RNF169: variants seen among roughly 807,000 people sequenced by gnomAD.
RNF169 encodes the protein E3 ubiquitin-protein ligase RNF169.
RNF169 carries 24 observed loss-of-function variants against 53.9 expected under a neutral mutation model. That is an observed-to-expected ratio of 0.45 (90% CI 0.32 to 0.63). RNF169 has a LOEUF of 0.63. Among genes scored for constraint, RNF169 ranks in the 20% least tolerant of loss-of-function variants. The pLI is 0.04. For synonymous variants in RNF169, 396 were observed against 363.5 expected (o/e 1.09, Z -1.02); for missense variants, 883 against 906.2 (o/e 0.97, Z 0.33).
rs546680491 is a variant in RNF169 at position 74,798,400 on chromosome 11, C to T, written c.576+8701C>T. 1.1e-4 allele frequency among the ~76,000 whole-genome samples: 17 copies of T among 152,316 alleles called. No individual in the cohort carries two copies. In the East Asian group the frequency reaches 1.5e-3, roughly 14 times the overall value. On this transcript the variant is annotated intron_variant, in intron 2 of 5. Coordinates refer to ENST00000299563, the MANE Select transcript of RNF169 (RefSeq NM_001098638.2). ...GTCGAGACTGCAGAGATGCAATAGA[C>T]TTCAGTCTCCCATAGCGCTCCCAGG...
chr11:74,752,558 C>G (rs1224182145), intron 1 of RNF169, among the ~76,000 whole-genome samples: 1 of 149,858 alleles, frequency 6.7e-6, no homozygotes. Context: ...CATCATGCCA[C>G]TGCACTCCAG....
chr11:74,779,080 C>T lies in RNF169; in HGVS notation c.503-10546C>T, dbSNP rs184804117. 8.5e-5 allele frequency among the ~76,000 whole-genome samples: 13 copies of T among 152,256 alleles called. No individual in the cohort carries two copies. The East Asian group carries it at 1.2e-3, about 14-fold the overall frequency. Reference sequence around the variant, plus strand: ...GCCTAACCATTTTCTCAGTATTGGACAGTTAAATTATTCTTGATTTTTATT... The same window carrying T: ...GCCTAACCATTTTCTCAGTATTGGATAGTTAAATTATTCTTGATTTTTATT... On this transcript the variant is annotated intron_variant, in intron 1 of 5. Transcript: ENST00000299563.
chr11:74,768,534 GA>G (rs1377586710), intron 1 of RNF169, among the ~76,000 whole-genome samples: 1 of 151,898 alleles, frequency 6.6e-6, no homozygotes, highest in Non-Finnish European at 1.5e-5. Flanking sequence ...TTTAACCTGG[GA>G]AGCGGTGGCT....
At chr11:74,752,093 A>G (rs1408409123) in intron 1 of RNF169, among the ~76,000 whole-genome samples, 3 of 151,662 alleles carry the variant, frequency 2.0e-5, no homozygotes, top group Non-Finnish European at 4.4e-5. Flanking sequence ...TTAGCTGGGC[A>G]TGGTGGTGTG....
At chr11:74,769,366 C>G (rs940624339) in intron 1 of RNF169, among the ~76,000 whole-genome samples, 3 of 152,054 alleles carry the variant, frequency 2.0e-5, no homozygotes, top group African/African-American at 7.2e-5. Context: ...ATAATGAGCA[C>G]CTATATACTG....
At chr11:74,786,411 T>G (rs1017819195) in intron 1 of RNF169, among the ~76,000 whole-genome samples, 2 of 151,182 alleles carry the variant, frequency 1.3e-5, no homozygotes, top group Non-Finnish European at 2.9e-5. Flanking sequence ...TGTTGGGGGG[T>G]TTTTTTGTTT....
intron 2 of RNF169, among the ~76,000 whole-genome samples, chr11:74,793,585 A>G (rs532482474): frequency 5.9e-5 from 9 of 152,336 alleles, no homozygotes; most frequent in South Asian, 2.1e-4. Context: ...GTAAGGGACT[A>G]CTGTAGAACA....
In RNF169 at chr11:74,834,588, T is replaced by A. The variant is rs893899267; in HGVS notation, c.843-88T>A. The A allele has an allele frequency of 8.2e-6, 7 of 856,594 alleles. No individual in the cohort carries two copies. The African/African-American group carries it at 1.2e-4, about 15-fold the overall frequency. The allele number at this position is 856,594 out of a possible 1,614,324, so 53.1% of individuals were successfully genotyped here. On this transcript the variant is annotated intron_variant, in intron 4 of 5. Coordinates refer to ENST00000299563, the MANE Select transcript of RNF169 (RefSeq NM_001098638.2). ...AGGGAATTCTTTCCTGGTGAGTGGC[T>A]TAGAAAGCAAAAAGATATTGTCATC... is the stretch of plus-strand genomic sequence containing the variant.
intron 5 of RNF169, 37 bp from the exon 6 acceptor site, chr11:74,835,507 ATG>A: frequency 6.9e-7 from 1 of 1,445,346 alleles, no homozygotes; most frequent in Non-Finnish European, 9.7e-7. Context: ...ATGTATATGT[ATG>A]TGTGTATGAA....
At position 74,836,259 on chromosome 11, in the gene RNF169, G is replaced by C; in HGVS notation, c.1656G>C (p.Gly552=). The change falls in exon 6 of 6, where the codon GGG becomes GGC. Residue 552 remains glycine, a synonymous_variant. Transcript: ENST00000299563. ...SLEREQFEGL[G]STPDAKLDKT... is the part of the protein sequence containing the mutation. The stretch of plus-strand genomic sequence containing the variant: ...AGAGGGAGCAGTTTGAGGGGTTAGG[G>C]TCAACTCCAGATGCCAAGTTAGACA... 1.9e-6 allele frequency: 3 copies of C among 1,614,154 alleles called. No homozygotes were observed. Among genetic ancestry groups the C allele is most frequent in the Non-Finnish European group, 2.5e-6 (3 of 1,180,030 alleles).
chr11:74,801,923 G>A (rs889459859), intron 2 of RNF169, among the ~76,000 whole-genome samples: 3 of 152,072 alleles, frequency 2.0e-5, no homozygotes, highest in African/African-American at 4.8e-5. Flanking sequence ...AGAACCGTTG[G>A]CCCAGAGATA....
chr11:74,783,393 A>T (rs1456612557), intron 1 of RNF169, among the ~76,000 whole-genome samples: 1 of 152,242 alleles, frequency 6.6e-6, no homozygotes, highest in Admixed American at 6.5e-5. Context: ...TTCTTAAGGC[A>T]TCATATCCTT....
intron 2 of RNF169, among the ~76,000 whole-genome samples, chr11:74,806,044 C>T (rs980206313): frequency 5.9e-5 from 9 of 151,856 alleles, no homozygotes; most frequent in Admixed American, 2.0e-4. Context: ...TACACACACA[C>T]GTACATACAT....
chr11:74,826,365 AACTC>A (rs2036097442), intron 4 of RNF169, among the ~76,000 whole-genome samples: 1 of 152,112 alleles, frequency 6.6e-6, no homozygotes, highest in Admixed American at 6.5e-5. Context: ...ATCTCATGAG[AACTC>A]ACTATCACGA....
chr11:74,836,774 G>A lies in RNF169; in HGVS notation c.*44G>A, dbSNP rs749408401. ...CTATTTTTAAAAGGTCTTAGGCCTT[G>A]ATCATTTATCCTGAAGAGCTGAGTG... On this transcript the variant is annotated 3_prime_UTR_variant, in exon 6 of 6. Coordinates refer to ENST00000299563, the MANE Select transcript of RNF169 (RefSeq NM_001098638.2). 1.4e-5 allele frequency: 20 copies of A among 1,431,280 alleles called. No individual in the cohort carries two copies. Among genetic ancestry groups the A allele is most frequent in the Non-Finnish European group, 1.8e-5 (19 of 1,050,548 alleles). 88.7% of individuals were successfully genotyped at this position (1,431,280 alleles called of 1,614,324 possible).
At chr11:74,805,878 T>C (rs1004776172) in intron 2 of RNF169, among the ~76,000 whole-genome samples, 2 of 152,114 alleles carry the variant, frequency 1.3e-5, no homozygotes, top group Admixed American at 6.5e-5. Context: ...TAGGCAGGTT[T>C]TGCAGGGCCT....
intron 1 of RNF169, among the ~76,000 whole-genome samples, chr11:74,750,110 C>T (rs956982645): frequency 6.6e-6 from 1 of 151,996 alleles, no homozygotes; most frequent in African/African-American, 2.4e-5. Context: ...TTCCTACTGG[C>T]TTGCTGGCAA....
At chr11:74,768,286 A>C (rs921434209) in intron 1 of RNF169, among the ~76,000 whole-genome samples, 8 of 152,214 alleles carry the variant, frequency 5.3e-5, no homozygotes, top group African/African-American at 1.9e-4. Flanking sequence ...TAGAGAAAAA[A>C]ATAGATCTTT....
intron 2 of RNF169, among the ~76,000 whole-genome samples, chr11:74,794,093 A>G (rs1422925664): frequency 6.6e-6 from 1 of 152,214 alleles, no homozygotes; most frequent in Non-Finnish European, 1.5e-5. Context: ...GCTGGAAAGC[A>G]TAGTGTTTTA....
Sources: allele counts gnomAD v4.1 joint callset (sites outside exome capture counted in the v4.1 genomes callset), GRCh38; gene constraint gnomAD v4.1.1; transcripts MANE v1.5; gene names NCBI Gene and HGNC (gene_info 2026-07-23, HGNC 2026-07-21).